The following WDR27 variants were observed in gnomAD, a reference collection of about 807,000 sequenced individuals.
The protein encoded by WDR27 is WD repeat-containing protein 27.
WDR27 carries 100 observed loss-of-function variants against 114.4 expected under a neutral mutation model. That is an observed-to-expected ratio of 0.87 (90% CI 0.74 to 1.03). The LOEUF is 1.03. Among genes scored for constraint, WDR27 ranks in the 50% least tolerant of loss-of-function variants. The pLI, the probability that WDR27 is intolerant of heterozygous loss-of-function variation, is 0.00. For missense variants in WDR27, 1,129 were observed against 1,092.9 expected (o/e 1.03, Z -0.47); for synonymous variants, 449 against 423.1 (o/e 1.06, Z -0.75).
At chr6:169,463,521 T>C (rs1785172146) in intron 25 of WDR27, among the ~76,000 whole-genome samples, 1 of 152,170 alleles carries the variant, frequency 6.6e-6, no homozygotes, top group Admixed American at 6.5e-5. Context: ...ATATTTAGAA[T>C]GGTATCAAAG....
chr6:169,684,762 C>A lies in WDR27; in HGVS notation c.189+4055G>T, dbSNP rs572289638. 1.3e-5 allele frequency among the ~76,000 whole-genome samples: 2 copies of A among 152,216 alleles called. No individual in the cohort carries two copies. Among genetic ancestry groups the A allele is most frequent in the African/African-American group, 2.4e-5 (1 of 41,460 alleles). The stretch of plus-strand genomic sequence containing the variant: ...CTATGGGCCACCCCTAATGGGCATG[C>A]CCGCAGCCAGCTGAGCAGCCTTGTG... On this transcript the variant is annotated intron_variant, in intron 2 of 25. Transcript: ENST00000448612. This position sits in a 1 kb window ranked among gnomAD's most constrained non-coding sequence, Gnocchi z 4.3.
intron 21 of WDR27, among the ~76,000 whole-genome samples, chr6:169,621,423 C>T (rs551375093): frequency 6.8e-4 from 103 of 152,086 alleles, no homozygotes; most frequent in South Asian, 4.8e-3. Context: ...TACACACACG[C>T]GCATTCACAC....
intron 25 of WDR27, among the ~76,000 whole-genome samples, chr6:169,551,844 T>C (rs956586581): frequency 1.3e-5 from 2 of 151,860 alleles, no homozygotes; most frequent in African/African-American, 2.4e-5. Context: ...GCTTGCGTCA[T>C]AACCACGCAA....
chr6:169,573,783 C>T (rs1801825085), intron 24 of WDR27, among the ~76,000 whole-genome samples: 2 of 152,218 alleles, frequency 1.3e-5, no homozygotes, highest in Admixed American at 1.3e-4. Flanking sequence ...TCTTCCTGAA[C>T]TCCCTGTGTG....
Position 169,651,914 on chromosome 6 carries a change from A to T in WDR27, c.1481+16T>A. On this transcript the variant is annotated intron_variant, in intron 14 of 25. Transcript: ENST00000448612. ...GCAGGTGCATTTCTGTCTCTCATTG[A>T]CATGAGTTCACTCACTGTGGTGCTG... is the stretch of plus-strand genomic sequence containing the variant. 6.2e-7 allele frequency: 1 copy of T among 1,608,270 alleles called. No homozygotes were observed. Among genetic ancestry groups the T allele is most frequent in the Non-Finnish European group, 8.5e-7 (1 of 1,176,726 alleles).
chr6:169,636,181 G>A (rs1233218884), intron 19 of WDR27, among the ~76,000 whole-genome samples, 190 bp downstream of exon 19: 3 of 152,164 alleles, frequency 2.0e-5, no homozygotes, highest in Admixed American at 6.5e-5. Context: ...CAAAGGCCCC[G>A]CGCATAGTAA....
At chr6:169,625,262 T>A (rs1371934862) in intron 21 of WDR27, among the ~76,000 whole-genome samples, 2 of 152,236 alleles carry the variant, frequency 1.3e-5, no homozygotes, top group African/African-American at 4.8e-5. Context: ...GAGCACCGAC[T>A]GTATGCTAGT....
intron 1 of WDR27, among the ~76,000 whole-genome samples, chr6:169,693,198 A>G (rs1343369407): frequency 6.6e-6 from 1 of 152,180 alleles, no homozygotes; most frequent in Non-Finnish European, 1.5e-5. Context: ...TACCCTCCTT[A>G]AACAAAATGA....
intron 8 of WDR27, among the ~76,000 whole-genome samples, chr6:169,663,284 AG>A (rs1826841090): frequency 1.3e-5 from 2 of 152,130 alleles, no homozygotes; most frequent in Admixed American, 6.5e-5. Flanking sequence ...TTAAAACATC[AG>A]GAAAAAATTG....
At chr6:169,494,418 C>T (rs1452038633) in intron 25 of WDR27, among the ~76,000 whole-genome samples, 3 of 152,130 alleles carry the variant, frequency 2.0e-5, no homozygotes, top group Admixed American at 1.3e-4. Context: ...AGACTATAAT[C>T]CACACCACTA....
intron 25 of WDR27, among the ~76,000 whole-genome samples, chr6:169,461,455 A>G (rs1321955833): frequency 1.3e-5 from 2 of 152,210 alleles, no homozygotes; most frequent in Admixed American, 6.5e-5. Flanking sequence ...AATTGATAAT[A>G]TAAGTTAAAC....
chr6:169,456,408 T>C (rs1199575334), downstream of WDR27, among the ~76,000 whole-genome samples: 3 of 152,032 alleles, frequency 2.0e-5, no homozygotes, highest in African/African-American at 7.2e-5. This position sits in a 1 kb window ranked among gnomAD's most constrained non-coding sequence, Gnocchi z 4.0. Context: ...AGCCCCCAGC[T>C]CCCTGGTTTC....
chr6:169,613,530 C>T (rs766365317), intron 22 of WDR27, 29 bp downstream of exon 22: 9 of 1,581,064 alleles, frequency 5.7e-6, no homozygotes, highest in South Asian at 1.1e-5. Flanking sequence ...CTCCCCACCC[C>T]TGCAGTGCAG....
chr6:169,535,497 C>G lies in WDR27; in HGVS notation c.2645+36922G>C, dbSNP rs190329827. On this transcript the variant is annotated intron_variant, in intron 25 of 25. Coordinates refer to ENST00000448612, the MANE Select transcript of WDR27 (RefSeq NM_182552.5). ...AAAATAGGTTAACCTATTATAAGTC[C>G]TTTTTTCTTTCTTTCTTTTATAATC... 6.7e-4 allele frequency among the ~76,000 whole-genome samples: 102 copies of G among 152,214 alleles called. No individual in the cohort carries two copies. In the East Asian group the frequency reaches 0.017, roughly 25 times the overall value.
intron 25 of WDR27, among the ~76,000 whole-genome samples, chr6:169,565,146 G>A (rs933379533): frequency 9.9e-5 from 15 of 152,180 alleles, no homozygotes; most frequent in Admixed American, 3.3e-4. Context: ...TGACCAGCAC[G>A]GGATAGAAAC....
rs905254086 is a variant in WDR27, at chr6:169,631,985, G to A, written c.2223+962C>T. 5.3e-5 allele frequency among the ~76,000 whole-genome samples: 8 copies of A among 152,144 alleles called. No homozygotes were observed. The East Asian group carries it at 9.7e-4, about 18-fold the overall frequency. The stretch of plus-strand genomic sequence containing the variant: ...GCTGATCACAAGGTCAGGAGTTCGA[G>A]ACCAGCCTGACCAACATGGTGAAAC... On this transcript the variant is annotated intron_variant, in intron 21 of 25. Coordinates refer to ENST00000448612, the MANE Select transcript of WDR27 (RefSeq NM_182552.5).
chr6:169,590,675 C>A (rs536295702), intron 23 of WDR27, among the ~76,000 whole-genome samples: 1 of 152,344 alleles, frequency 6.6e-6, no homozygotes, highest in African/African-American at 2.4e-5. Flanking sequence ...CAAGGTCTGG[C>A]AAAATAAATA....
intron 25 of WDR27, among the ~76,000 whole-genome samples, chr6:169,483,237 T>C (rs1788436635): frequency 6.6e-6 from 1 of 152,002 alleles, no homozygotes; most frequent in Non-Finnish European, 1.5e-5. Context: ...GATTAACAAA[T>C]CCAGAAGTTG....
rs571637115 is a variant in WDR27, at chr6:169,543,024, G to A, written c.2645+29395C>T. Among the ~76,000 whole-genome samples the A allele has an allele frequency of 1.7e-3, 252 of 151,982 alleles. 1 individual carries two copies. The highest frequency in any genetic ancestry group is 2.7e-3 in the Non-Finnish European group (182 of 67,926). On this transcript the variant is annotated intron_variant, in intron 25 of 25. Transcript: ENST00000448612. ...AGCATCTCAGCATGGACTAACCAGA[G>A]TGAAGGTGCTAATCAGCTACATGTA... is the stretch of plus-strand genomic sequence containing the variant.
Sources: gnomAD v4.1 joint callset for allele counts (sites outside exome capture counted in the v4.1 genomes callset) on GRCh38, gnomAD v4.1.1 for gene constraint, Gnocchi (gnomAD v3.1) non-coding constraint, MANE v1.5 for transcripts, NCBI Gene and HGNC (gene_info 2026-07-23, HGNC 2026-07-21) for gene names.